The following CIMAP2 variants were observed in gnomAD, a reference collection of about 807,000 sequenced individuals.
CIMAP2 encodes ciliary microtubule-associated protein 2.
the CIMAP2 span, among the ~76,000 whole-genome samples, chr1:54,821,886 C>CTTTTTTTT: frequency 0.012 from 784 of 66,632 alleles, 73 homozygotes; most frequent in Non-Finnish European, 0.015. Context: ...CCTCTTATTT[C>CTTTTTTTT]TTTTTTTTTT....
At chr1:54,807,796 T>A in the CIMAP2 span, 1 of 1,511,206 alleles carries the variant, frequency 6.6e-7, no homozygotes, top group Non-Finnish European at 8.8e-7. Flanking sequence ...AGATGGAGAT[T>A]ATCCTTTAAG....
chr1:54,815,029 T>C, the CIMAP2 span: 22 of 1,614,002 alleles, frequency 1.4e-5, no homozygotes, highest in South Asian at 6.6e-5. Flanking sequence ...CAGATGATTA[T>C]GGGAAGCTGG....
chr1:54,841,551 T>G, the CIMAP2 span: 1 of 1,611,238 alleles, frequency 6.2e-7, no homozygotes. Flanking sequence ...CTGAAGTTCT[T>G]ACAAGCCAAG....
chr1:54,817,795 T>C, the CIMAP2 span, among the ~76,000 whole-genome samples: 1 of 151,978 alleles, frequency 6.6e-6, no homozygotes, highest in Non-Finnish European at 1.5e-5. Flanking sequence ...TCAGGAGAAA[T>C]CAGCTTTTAA....
At chr1:54,806,159 C>A in the CIMAP2 span, 1 of 1,550,198 alleles carries the variant, frequency 6.5e-7, no homozygotes, top group Non-Finnish European at 8.7e-7. Context: ...TGGCTGGAAC[C>A]GCGTCGGCTC....
At chr1:54,836,197 C>T in the CIMAP2 span, among the ~76,000 whole-genome samples, 3 of 152,050 alleles carry the variant, frequency 2.0e-5, no homozygotes, top group East Asian at 1.9e-4. Flanking sequence ...GGAAGGCAGT[C>T]GGGAGAGAAG....
chr1:54,841,635 A>G, the CIMAP2 span: 5 of 1,614,108 alleles, frequency 3.1e-6, no homozygotes, highest in Non-Finnish European at 4.2e-6. Context: ...GTTTTGTTGG[A>G]AAGGCCTAGA....
chr1:54,822,087 A>T, the CIMAP2 span, among the ~76,000 whole-genome samples: 1 of 136,636 alleles, frequency 7.3e-6, no homozygotes, highest in African/African-American at 2.7e-5. Flanking sequence ...TTTAGTAGAG[A>T]CGGGGTTTCA....
the CIMAP2 span, among the ~76,000 whole-genome samples, chr1:54,837,649 G>A: frequency 6.6e-6 from 1 of 152,256 alleles, no homozygotes; most frequent in African/African-American, 2.4e-5. Flanking sequence ...GGGGAGTAGT[G>A]GCCCCCAGTC....
chr1:54,821,895 T>C, the CIMAP2 span, among the ~76,000 whole-genome samples: 8 of 75,578 alleles, frequency 1.1e-4, 1 homozygote, highest in African/African-American at 4.3e-4. Context: ...TCTTTTTTTT[T>C]TTTTTTTTTT....
chr1:54,808,611 C>CCGGGG, the CIMAP2 span, among the ~76,000 whole-genome samples: 8 of 44,126 alleles, frequency 1.8e-4, no homozygotes, highest in Non-Finnish European at 3.9e-4. Context: ...CCAGGTGCTG[C>CCGGGG]CGGGGGAGGG....
the CIMAP2 span, among the ~76,000 whole-genome samples, chr1:54,820,929 C>A: frequency 6.6e-6 from 1 of 152,018 alleles, no homozygotes; most frequent in Non-Finnish European, 1.5e-5. Context: ...CCACCACCCC[C>A]GGCTAATTTT....
chr1:54,813,063 C>A, the CIMAP2 span, among the ~76,000 whole-genome samples: 1 of 152,178 alleles, frequency 6.6e-6, no homozygotes, highest in Non-Finnish European at 1.5e-5. Context: ...GGTCAAGGGA[C>A]CCTCCTCAGG....
the CIMAP2 span, among the ~76,000 whole-genome samples, chr1:54,817,276 G>T: frequency 1.3e-5 from 2 of 152,188 alleles, no homozygotes; most frequent in South Asian, 4.1e-4. Flanking sequence ...GGACGTTCAC[G>T]TTCAGATCCT....
At chr1:54,808,145 A>C in the CIMAP2 span, 1 of 905,116 alleles carries the variant, frequency 1.1e-6, no homozygotes. Flanking sequence ...AGTGGCATAC[A>C]CTGTCCTAGA....
the CIMAP2 span, chr1:54,807,607 T>G: frequency 1.2e-6 from 2 of 1,610,104 alleles, no homozygotes; most frequent in Non-Finnish European, 8.5e-7. Context: ...GGACACAGGC[T>G]GGGCCAAGGC....
At chr1:54,811,765 G>GCCGGGGGGGGGGCCGCCCCCCCCC in the CIMAP2 span, 1 of 1,301,326 alleles carries the variant, frequency 7.7e-7, no homozygotes, top group Non-Finnish European at 1.1e-6. Context: ...GGTTCTGACA[G>GCCGGGGGGGGGGCCGCCCCCCCCC]CCTCCATGCC....
chr1:54,808,776 ACACT>A, the CIMAP2 span, among the ~76,000 whole-genome samples: 30 of 152,028 alleles, frequency 2.0e-4, no homozygotes, highest in African/African-American at 7.3e-4. Flanking sequence ...AGTGAGGCTG[ACACT>A]CAGTAAGGGC....
the CIMAP2 span, among the ~76,000 whole-genome samples, chr1:54,838,079 A>T: frequency 0.19 from 29,628 of 151,962 alleles, 3,055 homozygotes; most frequent in East Asian, 0.34. Context: ...GCTTGGAAGA[A>T]GTGGCATTTG....
Sources: allele counts gnomAD v4.1 joint callset (sites outside exome capture counted in the v4.1 genomes callset), GRCh38; gene constraint gnomAD v4.1.1; transcripts MANE v1.5; gene names NCBI Gene and HGNC (gene_info 2026-07-23, HGNC 2026-07-21).